The following CRADD variants were observed in gnomAD, a reference collection of about 807,000 sequenced individuals.
CRADD encodes the protein death domain-containing protein CRADD.
In CRADD, 9 loss-of-function variants were observed where a neutral mutation model predicts 15.5. That is an observed-to-expected ratio of 0.58 (90% CI 0.35 to 1.01). The LOEUF (loss-of-function observed/expected upper bound fraction) is 1.01, where lower values mean the gene tolerates loss of function less well. Ranked by LOEUF, CRADD falls within the 50% of genes least tolerant of loss-of-function variation. The pLI, the probability that CRADD is intolerant of heterozygous loss-of-function variation, is 0.02. For synonymous variants in CRADD, 118 were observed against 107.6 expected, an observed-to-expected ratio of 1.10 and a Z score of -0.60; for missense variants, 227 against 250.3, an observed-to-expected ratio of 0.91 and a Z score of 0.63.
In CRADD at chr12:93,747,277, T is replaced by C. The variant is rs543425199; in HGVS notation, c.298+68205T>C. On this transcript the variant is annotated intron_variant, in intron 2 of 2. Coordinates refer to ENST00000332896, the MANE Select transcript of CRADD (RefSeq NM_003805.5). Reference sequence around the variant, plus strand: ...TCAGAGCAGAAAAGGACCTCCTCTGTAACCCAGGAGAGAGAGGGCTCTTGT... The same window carrying C: ...TCAGAGCAGAAAAGGACCTCCTCTGCAACCCAGGAGAGAGAGGGCTCTTGT... Among the ~76,000 whole-genome samples, 115 of 152,180 alleles carry C rather than the reference T, an allele frequency of 7.6e-4. 1 individual carries two copies. Among genetic ancestry groups the C allele is most frequent in the African/African-American group, 2.6e-3 (109 of 41,514 alleles).
chr12:93,887,059 T>G (rs1056696974), intron 2 of CRADD, among the ~76,000 whole-genome samples: 10 of 152,184 alleles, frequency 6.6e-5, no homozygotes, highest in Non-Finnish European at 1.2e-4. Flanking sequence ...AAGACTTGAA[T>G]CCAGATCTTT....
At chr12:93,869,190 C>A (rs1418871557) in intron 2 of CRADD, among the ~76,000 whole-genome samples, 1 of 152,066 alleles carries the variant, frequency 6.6e-6, no homozygotes, top group African/African-American at 2.4e-5. Flanking sequence ...AGAGTTGTAT[C>A]CTAGGAGTAA....
In CRADD at chr12:93,712,197, T is replaced by C. The variant is rs144751289; in HGVS notation, c.298+33125T>C. On this transcript the variant is annotated intron_variant, in intron 2 of 2. Transcript: ENST00000332896. The stretch of plus-strand genomic sequence containing the variant: ...TGAAAGAGGTACATACTTCGTAGAG[T>C]TGTTAAGAGGATTAAACTAGTTACT... 6.6e-3 allele frequency among the ~76,000 whole-genome samples: 1,004 copies of C among 152,278 alleles called. 5 individuals are homozygous for C. The highest frequency in any genetic ancestry group is 0.022 in the African/African-American group (923 of 41,548).
intron 2 of CRADD, among the ~76,000 whole-genome samples, chr12:93,717,072 A>G (rs549478356): frequency 4.6e-4 from 70 of 152,296 alleles, no homozygotes; most frequent in Middle Eastern, 3.4e-3. Flanking sequence ...TGACCGTCTA[A>G]TGGGTGTATA....
chr12:93,878,795 G>A (rs1307892557), intron 2 of CRADD, among the ~76,000 whole-genome samples: 2 of 152,134 alleles, frequency 1.3e-5, no homozygotes, highest in Non-Finnish European at 2.9e-5. Context: ...GGGTGGCATC[G>A]GCAATTCAAG....
intron 2 of CRADD, among the ~76,000 whole-genome samples, chr12:93,841,076 T>C (rs573477064): frequency 6.6e-6 from 1 of 152,214 alleles, no homozygotes; most frequent in Non-Finnish European, 1.5e-5. Flanking sequence ...AATTTTTTTC[T>C]GCATCTATTA....
chr12:93,716,131 C>CAAA (rs200370450), intron 2 of CRADD, among the ~76,000 whole-genome samples: 6 of 87,700 alleles, frequency 6.8e-5, no homozygotes, highest in African/African-American at 1.9e-4. Flanking sequence ...GACTCCACCT[C>CAAA]AAAAAAAAAA....
intron 2 of CRADD, among the ~76,000 whole-genome samples, chr12:93,780,250 A>G (rs918658584): frequency 6.6e-6 from 1 of 152,268 alleles, no homozygotes; most frequent in Non-Finnish European, 1.5e-5. Context: ...TAACATAAAC[A>G]TAGTTAAGGA....
At chr12:93,801,399 ATTTTT>A (rs1231728927) in intron 2 of CRADD, among the ~76,000 whole-genome samples, 3 of 151,782 alleles carry the variant, frequency 2.0e-5, no homozygotes, top group Non-Finnish European at 4.4e-5. Flanking sequence ...ATTTTATTTT[ATTTTT>A]ATCTATTTTT....
At chr12:93,888,448 A>G (rs1004673861) in intron 2 of CRADD, among the ~76,000 whole-genome samples, 2 of 150,446 alleles carry the variant, frequency 1.3e-5, no homozygotes, top group African/African-American at 2.4e-5. Flanking sequence ...AAAGATAGAG[A>G]TGGCAGATAG....
At chr12:93,845,254 A>G (rs903541383) in intron 2 of CRADD, among the ~76,000 whole-genome samples, 1 of 152,252 alleles carries the variant, frequency 6.6e-6, no homozygotes, top group Admixed American at 6.5e-5. Flanking sequence ...GCTCAGAGGT[A>G]GAACGACACC....
chr12:93,867,033 C>T (rs1958373611), intron 2 of CRADD, among the ~76,000 whole-genome samples: 1 of 152,024 alleles, frequency 6.6e-6, no homozygotes, highest in Non-Finnish European at 1.5e-5. Context: ...AGAATTTGGG[C>T]TGGGGAGCAG....
rs375583189 is a variant in CRADD, at chr12:93,814,673, A to G, written c.299-35297A>G. ...CAGAACTGGCAGTCACGAGGCCTGCATTCTCCAGCTTCGCCTGCCACCAAC... is the reference window on the plus strand; with the variant it reads ...CAGAACTGGCAGTCACGAGGCCTGCGTTCTCCAGCTTCGCCTGCCACCAAC... On this transcript the variant is annotated intron_variant, in intron 2 of 2. Coordinates refer to ENST00000332896, the MANE Select transcript of CRADD (RefSeq NM_003805.5). Among the ~76,000 whole-genome samples the G allele has an allele frequency of 5.3e-5, 8 of 152,296 alleles. No homozygotes were observed. The South Asian group carries it at 1.0e-3, about 20-fold the overall frequency.
chr12:93,886,932 G>A (rs1278163890), intron 2 of CRADD, among the ~76,000 whole-genome samples: 5 of 152,188 alleles, frequency 3.3e-5, no homozygotes, highest in African/African-American at 7.2e-5. Flanking sequence ...CCTACCACGC[G>A]CAAGACAGAG....
intron 2 of CRADD, among the ~76,000 whole-genome samples, chr12:93,861,557 T>C (rs779710634): frequency 2.6e-5 from 4 of 152,176 alleles, no homozygotes; most frequent in Non-Finnish European, 5.9e-5. Flanking sequence ...GGCTTGTTAG[T>C]GAGGGCTACA....
intron 2 of CRADD, among the ~76,000 whole-genome samples, chr12:93,827,084 A>C (rs1465686954): frequency 6.6e-6 from 1 of 152,180 alleles, no homozygotes; most frequent in Non-Finnish European, 1.5e-5. Context: ...TAATTGACAT[A>C]CAGTAAACTG....
chr12:93,893,347 C>G (rs754215749), intron 2 of CRADD, among the ~76,000 whole-genome samples: 5 of 151,806 alleles, frequency 3.3e-5, no homozygotes, highest in Non-Finnish European at 5.9e-5. Flanking sequence ...TCCCTTCCCT[C>G]ATTACTTTCT....
intron 2 of CRADD, among the ~76,000 whole-genome samples, chr12:93,872,020 C>A (rs1170592830): frequency 6.6e-6 from 1 of 152,116 alleles, no homozygotes; most frequent in African/African-American, 2.4e-5. Context: ...TAATTCACAT[C>A]CCCACCAACA....
At chr12:93,806,782 C>T (rs1239764151) in intron 2 of CRADD, among the ~76,000 whole-genome samples, 10 of 152,056 alleles carry the variant, frequency 6.6e-5, no homozygotes, top group South Asian at 4.1e-4. Context: ...ATTTGATGAA[C>T]TAGGTTTTAA....
Sources: allele counts gnomAD v4.1 joint callset (sites outside exome capture counted in the v4.1 genomes callset), GRCh38; gene constraint gnomAD v4.1.1; transcripts MANE v1.5; gene names NCBI Gene and HGNC (gene_info 2026-07-23, HGNC 2026-07-21).